Variants in CDH13 observed in about 807,000 individuals in gnomAD.
CDH13 encodes cadherin-13.
A neutral mutation model predicts 63.8 loss-of-function variants in CDH13; 24 were observed. The observed-to-expected ratio is 0.38, with a 90% CI of 0.27 to 0.53. The LOEUF (loss-of-function observed/expected upper bound fraction) is 0.53, where lower values mean the gene tolerates loss of function less well. Ranked by LOEUF, CDH13 falls within the 20% of genes least tolerant of loss-of-function variation. CDH13 has a pLI of 0.85. For missense variants in CDH13, 1,049 were observed against 903.1 expected (o/e 1.16, Z -2.07); for synonymous variants, 503 against 355.3 (o/e 1.42, Z -4.67).
At chr16:83,005,375 C>T (rs933311457) in intron 2 of CDH13, among the ~76,000 whole-genome samples, 3 of 152,142 alleles carry the variant, frequency 2.0e-5, no homozygotes, top group Non-Finnish European at 4.4e-5. Context: ...CTTTCCAGTT[C>T]CTTACCTCCT....
intron 5 of CDH13, among the ~76,000 whole-genome samples, chr16:83,226,450 C>G (rs1002635155): frequency 6.6e-6 from 1 of 152,188 alleles, no homozygotes; most frequent in Admixed American, 6.5e-5. Flanking sequence ...GAGAACCCCA[C>G]ATTCCTTAAT....
chr16:82,990,554 T>TA lies in CDH13; in HGVS notation c.158-41456_158-41455insA, dbSNP rs1213800538. On this transcript the variant is annotated intron_variant, in intron 2 of 13. Transcript: ENST00000567109. ...GTGGGTTTTTTGGTTTGGGTTTTTT[T>TA]TTTTTTTTTAGAGACAGAGTCTCAC... 2.0e-5 allele frequency among the ~76,000 whole-genome samples: 3 copies of TA among 151,278 alleles called. 1 individual carries two copies. The highest frequency in any genetic ancestry group is 4.4e-5 in the Non-Finnish European group (3 of 67,750).
intron 8 of CDH13, among the ~76,000 whole-genome samples, chr16:83,637,411 G>C (rs368326507): frequency 1.7e-5 from 1 of 58,914 alleles, no homozygotes; most frequent in Admixed American, 1.9e-4. Flanking sequence ...GCGCAGGCCA[G>C]TGTGTGTGCG....
chr16:83,447,096 C>CATTTTTTTTTTTTTTT (rs2072721481), intron 6 of CDH13, among the ~76,000 whole-genome samples: 1 of 41,518 alleles, frequency 2.4e-5, no homozygotes, highest in Non-Finnish European at 4.7e-5. Flanking sequence ...TTATAGTAAC[C>CATTTTTTTTTTTTTTT]TTTTTTTTTT....
At chr16:82,984,768 A>G (rs1398877451) in intron 2 of CDH13, among the ~76,000 whole-genome samples, 1 of 152,158 alleles carries the variant, frequency 6.6e-6, no homozygotes, top group Non-Finnish European at 1.5e-5. Context: ...GTCAAAATCT[A>G]CTTTTCAGGA....
At chr16:82,797,875 G>C (rs1328634826) in intron 1 of CDH13, among the ~76,000 whole-genome samples, 1 of 151,674 alleles carries the variant, frequency 6.6e-6, no homozygotes, top group African/African-American at 2.4e-5. Flanking sequence ...TGCTTAATAA[G>C]ACAGAAAGAC....
intron 3 of CDH13, among the ~76,000 whole-genome samples, chr16:83,097,096 C>G (rs1019816514): frequency 2.6e-5 from 4 of 152,184 alleles, no homozygotes; most frequent in Non-Finnish European, 5.9e-5. Flanking sequence ...GTTGCTCAAC[C>G]TCATTCAAAC....
chr16:82,745,590 C>A (rs555002770), intron 1 of CDH13, among the ~76,000 whole-genome samples: 1 of 151,926 alleles, frequency 6.6e-6, no homozygotes, highest in African/African-American at 2.4e-5. Flanking sequence ...GGTGACAGAG[C>A]GAGACTCTGT....
intron 4 of CDH13, among the ~76,000 whole-genome samples, chr16:83,136,164 C>G (rs1398263374): frequency 1.4e-5 from 2 of 141,926 alleles, no homozygotes; most frequent in African/African-American, 5.6e-5. Flanking sequence ...CCCCAACAAC[C>G]TATAGAAATT....
chr16:82,889,832 A>G (rs867083566), intron 2 of CDH13, among the ~76,000 whole-genome samples: 36 of 152,244 alleles, frequency 2.4e-4, no homozygotes, highest in African/African-American at 7.7e-4. Flanking sequence ...ACGTAAGTCT[A>G]AAGGGCATGG....
At chr16:83,301,841 A>G (rs1476397499) in intron 5 of CDH13, among the ~76,000 whole-genome samples, 1 of 140,702 alleles carries the variant, frequency 7.1e-6, no homozygotes, top group Non-Finnish European at 1.6e-5. Flanking sequence ...ACAAAAATAC[A>G]TTTATGCTTA....
At chr16:82,819,485 C>A (rs918089188) in intron 1 of CDH13, among the ~76,000 whole-genome samples, 3 of 152,170 alleles carry the variant, frequency 2.0e-5, no homozygotes, top group African/African-American at 7.2e-5. Context: ...TCCTCCAGCT[C>A]TTTTGTCCCA....
chr16:82,644,645 C>T lies in CDH13; in HGVS notation c.45+17508C>T, dbSNP rs773167494. The stretch of plus-strand genomic sequence containing the variant: ...GGTCTCCAGTCTGTAAAAGCAACCA[C>T]GCTTTGGGCTGGGGCAGAAGTCAGG... On this transcript the variant is annotated intron_variant, in intron 1 of 13. Coordinates refer to ENST00000567109, the MANE Select transcript of CDH13 (RefSeq NM_001257.5). The surrounding 1 kb of genome is among the most constrained non-coding windows in gnomAD (Gnocchi z 5.7). Among the ~76,000 whole-genome samples the T allele has an allele frequency of 6.6e-6, 1 of 152,160 alleles. No individual in the cohort carries two copies. The highest frequency in any genetic ancestry group is 1.5e-5 in the Non-Finnish European group (1 of 68,030).
At chr16:82,827,564 A>G (rs1042190301) in intron 1 of CDH13, among the ~76,000 whole-genome samples, 13 of 152,182 alleles carry the variant, frequency 8.5e-5, no homozygotes, top group African/African-American at 2.9e-4. Context: ...TGTGGACTAG[A>G]GTCAATCTGT....
chr16:82,759,819 C>T (rs1016140707), intron 1 of CDH13, among the ~76,000 whole-genome samples: 9 of 151,970 alleles, frequency 5.9e-5, no homozygotes, highest in African/African-American at 2.2e-4. Context: ...TTGAGTAATT[C>T]TCCCCTATCC....
chr16:82,764,430 G>A (rs903582616), intron 1 of CDH13, among the ~76,000 whole-genome samples: 1 of 152,212 alleles, frequency 6.6e-6, no homozygotes, highest in Non-Finnish European at 1.5e-5. Context: ...GGAAAGGGAA[G>A]TCTCAAATCT....
intron 10 of CDH13, among the ~76,000 whole-genome samples, chr16:83,710,961 C>A (rs1161310049): frequency 6.6e-6 from 1 of 152,146 alleles, no homozygotes; most frequent in Non-Finnish European, 1.5e-5. Context: ...TGAATGTTAG[C>A]AAAATTCTAC....
At chr16:83,460,089 A>G (rs750371994) in intron 6 of CDH13, among the ~76,000 whole-genome samples, 3 of 152,346 alleles carry the variant, frequency 2.0e-5, no homozygotes, top group Non-Finnish European at 4.4e-5. Flanking sequence ...AAAAATAACT[A>G]AGAGATAAAA....
intron 6 of CDH13, among the ~76,000 whole-genome samples, chr16:83,390,430 C>G (rs1409080287): frequency 6.6e-6 from 1 of 150,912 alleles, no homozygotes; most frequent in Non-Finnish European, 1.5e-5. Context: ...TTATTGGACA[C>G]AGTATCCCAT....
Sources: allele counts gnomAD v4.1 joint callset (sites outside exome capture counted in the v4.1 genomes callset), GRCh38; gene constraint gnomAD v4.1.1; non-coding constraint Gnocchi (gnomAD v3.1); transcripts MANE v1.5; gene names NCBI Gene and HGNC (gene_info 2026-07-23, HGNC 2026-07-21).